Variants in PIAS1 observed in about 807,000 individuals in gnomAD.
PIAS1 encodes the protein protein inhibitor of activated STAT 1, also known as E3 SUMO-protein ligase PIAS1.
A neutral mutation model predicts 71.3 loss-of-function variants in PIAS1; 6 were observed. The ratio of observed to expected loss-of-function variants is 0.08; its 90% CI spans 0.05 to 0.17. The LOEUF is 0.17. Ranked by LOEUF, PIAS1 falls within the 10% of genes least tolerant of loss-of-function variation. PIAS1 has a pLI of 1.00. For missense variants in PIAS1, 555 were observed against 793.6 expected (o/e 0.70, Z 3.61); for synonymous variants, 303 against 292.9 (o/e 1.03, Z -0.35).
At chr15:68,080,372 G>C (rs923548984) in intron 1 of PIAS1, among the ~76,000 whole-genome samples, 9 of 152,152 alleles carry the variant, frequency 5.9e-5, no homozygotes, top group African/African-American at 2.2e-4. Context: ...CAATAAGATG[G>C]ACCTGGAGAG....
intron 5 of PIAS1, among the ~76,000 whole-genome samples, chr15:68,146,289 T>G (rs949933352): frequency 6.6e-6 from 1 of 152,222 alleles, no homozygotes. Context: ...ACTACTCATG[T>G]ACCTATCTAA....
intron 2 of PIAS1, among the ~76,000 whole-genome samples, chr15:68,110,081 T>C (rs2092509042): frequency 6.6e-6 from 1 of 152,178 alleles, no homozygotes; most frequent in South Asian, 2.1e-4. Context: ...TCTTTGAACA[T>C]GAAACCGTTT....
intron 2 of PIAS1, among the ~76,000 whole-genome samples, chr15:68,130,125 T>A (rs751149191): frequency 6.6e-6 from 1 of 152,030 alleles, no homozygotes. Context: ...TCAAAATATT[T>A]CATATACCCC....
chr15:68,079,332 A>G (rs2092203875), intron 1 of PIAS1, among the ~76,000 whole-genome samples: 1 of 152,168 alleles, frequency 6.6e-6, no homozygotes, highest in Admixed American at 6.5e-5. Context: ...AAAAGCATTT[A>G]TTGAACATCT....
intron 7 of PIAS1, among the ~76,000 whole-genome samples, chr15:68,159,548 A>G (rs1021026137): frequency 2.0e-5 from 3 of 152,182 alleles, no homozygotes; most frequent in African/African-American, 7.2e-5. Flanking sequence ...CCAGAATGTC[A>G]GGTAAATGCA....
intron 8 of PIAS1, among the ~76,000 whole-genome samples, chr15:68,166,847 A>G (rs890873113): frequency 1.3e-5 from 2 of 152,116 alleles, no homozygotes; most frequent in African/African-American, 4.8e-5. Flanking sequence ...CTTTTTTGAG[A>G]CGGGGTTTCA....
intron 2 of PIAS1, among the ~76,000 whole-genome samples, chr15:68,132,302 C>A (rs1292291773): frequency 4.0e-5 from 6 of 151,706 alleles, no homozygotes; most frequent in Non-Finnish European, 5.9e-5. Context: ...CACGGTGATA[C>A]TCCGTCTCTA....
In PIAS1 at chr15:68,185,926, A is replaced by ATCT. The variant is rs1294124579; in HGVS notation, c.1663-1616_1663-1615insTCT. ...GCAGTGAGCCGAGATTGCGTGCACC[A>ATCT]CTCTACTCCAACCTGGGTGGCAGAG... On this transcript the variant is annotated intron_variant, in intron 13 of 13. Coordinates refer to ENST00000249636, the MANE Select transcript of PIAS1 (RefSeq NM_016166.3). The surrounding 1 kb of genome is among the most constrained non-coding windows in gnomAD (Gnocchi z 4.4). Among the ~76,000 whole-genome samples the ATCT allele has an allele frequency of 5.9e-5, 9 of 151,566 alleles. No individual in the cohort carries two copies. The East Asian group carries it at 1.4e-3, about 23-fold the overall frequency.
intron 6 of PIAS1, among the ~76,000 whole-genome samples, chr15:68,152,556 C>T (rs1024818137): frequency 6.6e-6 from 1 of 152,136 alleles, no homozygotes; most frequent in Non-Finnish European, 1.5e-5. Context: ...TTTTGTGCCT[C>T]AGTTTCATCA....
At chr15:68,163,476 A>G (rs886683305) in intron 7 of PIAS1, among the ~76,000 whole-genome samples, 3 of 152,168 alleles carry the variant, frequency 2.0e-5, no homozygotes, top group African/African-American at 4.8e-5. Context: ...AAAACTACCA[A>G]TTGGTGTCCC....
intron 7 of PIAS1, among the ~76,000 whole-genome samples, chr15:68,154,652 C>T (rs1301488660): frequency 6.6e-6 from 1 of 152,192 alleles, no homozygotes. Context: ...TATCAATATA[C>T]CCTTAATAGT....
chr15:68,129,735 A>G (rs1045593199), intron 2 of PIAS1, among the ~76,000 whole-genome samples: 3 of 151,876 alleles, frequency 2.0e-5, no homozygotes, highest in African/African-American at 7.2e-5. Flanking sequence ...GTTGAAATGA[A>G]AACATGTCCT....
At chr15:68,140,676 C>T (rs1218529322) in intron 2 of PIAS1, among the ~76,000 whole-genome samples, 3 of 152,058 alleles carry the variant, frequency 2.0e-5, no homozygotes, top group African/African-American at 4.8e-5. Context: ...CGTTTGGTAT[C>T]GACTTTTTGC....
At chr15:68,149,748 AT>A (rs1432759975) in intron 6 of PIAS1, among the ~76,000 whole-genome samples, 2 of 151,990 alleles carry the variant, frequency 1.3e-5, no homozygotes, top group African/African-American at 4.8e-5. Flanking sequence ...TTTTTAGATG[AT>A]TTATTGGTAT....
chr15:68,095,687 C>T (rs1490613377), intron 2 of PIAS1, among the ~76,000 whole-genome samples: 1 of 151,906 alleles, frequency 6.6e-6, no homozygotes, highest in Non-Finnish European at 1.5e-5. Context: ...CCCACTGCCA[C>T]GCCTGGCTCA....
chr15:68,154,565 T>C (rs930092731), intron 7 of PIAS1, among the ~76,000 whole-genome samples: 4 of 152,204 alleles, frequency 2.6e-5, no homozygotes, highest in Admixed American at 6.5e-5. Flanking sequence ...AATAGCAGCT[T>C]TCCTTTTGTA....
rs1202542795 is a variant in PIAS1 at position 68,185,767 on chromosome 15, G to A, written c.1663-1775G>A. 6.6e-6 allele frequency among the ~76,000 whole-genome samples: 1 copy of A among 152,006 alleles called. No individual in the cohort carries two copies. The highest frequency in any genetic ancestry group is 2.4e-5 in the African/African-American group (1 of 41,358). On this transcript the variant is annotated intron_variant, in intron 13 of 13. Coordinates refer to ENST00000249636, the MANE Select transcript of PIAS1 (RefSeq NM_016166.3). The surrounding 1 kb of genome is among the most constrained non-coding windows in gnomAD (Gnocchi z 4.4). Reference sequence around the variant, plus strand: ...TCATGAGGTCAGGAGTTCGAGACCAGCCTGACCAACATGGTGAAACCCCGT... The same window carrying A: ...TCATGAGGTCAGGAGTTCGAGACCAACCTGACCAACATGGTGAAACCCCGT...
intron 6 of PIAS1, among the ~76,000 whole-genome samples, chr15:68,151,577 T>G (rs904035067): frequency 1.3e-4 from 20 of 151,828 alleles, no homozygotes; most frequent in African/African-American, 4.8e-4. Context: ...CCAAGCACTT[T>G]GGGAGGCTGA....
chr15:68,076,367 C>G (rs756352078), intron 1 of PIAS1, among the ~76,000 whole-genome samples: 4 of 152,006 alleles, frequency 2.6e-5, no homozygotes, highest in Non-Finnish European at 5.9e-5. Flanking sequence ...ATTAGCCAGG[C>G]ATGGTGGCAT....
Sources: gnomAD v4.1 joint callset for allele counts (sites outside exome capture counted in the v4.1 genomes callset) on GRCh38, gnomAD v4.1.1 for gene constraint, Gnocchi (gnomAD v3.1) non-coding constraint, MANE v1.5 for transcripts, NCBI Gene and HGNC (gene_info 2026-07-23, HGNC 2026-07-21) for gene names.